Variants in NOL4L observed in about 807,000 individuals in gnomAD.
NOL4L encodes nucleolar protein 4-like.
A neutral mutation model predicts 64.5 loss-of-function variants in NOL4L; 7 were observed. The ratio of observed to expected loss-of-function variants is 0.11; its 90% CI spans 0.06 to 0.20. The LOEUF (loss-of-function observed/expected upper bound fraction) is 0.20. NOL4L is among the 10% of genes least tolerant of loss of function. NOL4L has a pLI of 1.00. For missense variants in NOL4L, 680 were observed against 967.1 expected (o/e 0.70, Z 3.94); for synonymous variants, 413 against 401.0 (o/e 1.03, Z -0.36).
At chr20:32,507,495 C>G (rs1464350213) in intron 4 of NOL4L, among the ~76,000 whole-genome samples, 1 of 152,172 alleles carries the variant, frequency 6.6e-6, no homozygotes, top group Non-Finnish European at 1.5e-5. Flanking sequence ...GACTCATTTT[C>G]TAGCATATTA....
chr20:32,475,330 G>A (rs1056874772), intron 4 of NOL4L: 10 of 985,342 alleles, frequency 1.0e-5, no homozygotes, highest in African/African-American at 8.7e-5. Flanking sequence ...AGCTTCCAGG[G>A]CTGAAAGGGC....
rs779165706 is a variant in NOL4L, at chr20:32,447,685, G to T, written c.1954C>A (p.Arg652=). 2 of 1,612,486 alleles carry T rather than the reference G, an allele frequency of 1.2e-6. No individual in the cohort carries two copies. The highest frequency in any genetic ancestry group is 1.1e-5 in the South Asian group (1 of 90,988). Reference sequence around the variant, plus strand: ...TCCCGGTAGCCCGCGATGAGCTGCCGCACGGCGCTGATCTCCGTGGGGCTG... The same window carrying T: ...TCCCGGTAGCCCGCGATGAGCTGCCTCACGGCGCTGATCTCCGTGGGGCTG... The part of the protein sequence containing the change: ...QLSPTEISAV[R]QLIAGYRESA... The change falls in exon 11 of 11, where the codon CGG becomes AGG. Residue 652 remains arginine (R), a synonymous_variant. Coordinates refer to ENST00000621426, the MANE Select transcript of NOL4L (RefSeq NM_001256798.2).
At chr20:32,469,440 C>T (rs1282840010) in intron 5 of NOL4L, among the ~76,000 whole-genome samples, 3 of 150,252 alleles carry the variant, frequency 2.0e-5, no homozygotes, top group African/African-American at 7.4e-5. Flanking sequence ...GGTGTGGTCT[C>T]GGCTTACTGT....
chr20:32,563,428 G>A (rs1257067231), intron 1 of NOL4L, among the ~76,000 whole-genome samples: 1 of 151,906 alleles, frequency 6.6e-6, no homozygotes, highest in Non-Finnish European at 1.5e-5. Context: ...TTTCATAGAG[G>A]ACCGAAAGGA....
intron 1 of NOL4L, among the ~76,000 whole-genome samples, chr20:32,564,781 G>A (rs1199342730): frequency 6.6e-6 from 1 of 152,264 alleles, no homozygotes; most frequent in Non-Finnish European, 1.5e-5. Flanking sequence ...CCTTCGAGGG[G>A]TCCAGCAGCC....
Position 32,453,485 on chromosome 20 carries a change from C to T in NOL4L, c.1316G>A (p.Arg439His), listed in dbSNP as rs2013140364. 6.2e-7 allele frequency: 1 copy of T among 1,614,074 alleles called. No homozygotes were observed. The highest frequency in any genetic ancestry group is 8.5e-7 in the Non-Finnish European group (1 of 1,179,964). Residue 439 changes from arginine to histidine, a missense_variant, in exon 8 of 11, where the codon CGT (arginine) becomes CAT (histidine). By Grantham distance (29) the Arg-to-His change is conservative. This residue lies in a region of NOL4L where 70 missense variants were observed against 166.1 expected (regional missense o/e 0.42). Transcript: ENST00000621426. The surrounding 1 kb of genome is among the most constrained non-coding windows in gnomAD (Gnocchi z 5.6). ...ERLKAFNMFV[R>H]LFVDENLDRM... ...GTCCAGGTTCTCGTCCACAAAGAGA[C>T]GCACAAACATCTGTGGAGACACGGG...
chr20:32,584,679 C>A lies in NOL4L; in HGVS notation c.212G>T (p.Gly71Val), dbSNP rs1980779230. ...CCAGAACTGGAACTTGCCTTTCTCG[C>A]CGGCTGCGGGGCCGCTGCCCGCGCC... ...GTGAGSGPAA[G>V]EKGKFQFWVR... Residue 71 changes from glycine to valine, a missense_variant, in exon 1 of 11, where the codon GGC (glycine) becomes GTC (valine). Around this residue, in one of 4 missense-constraint regions of NOL4L, gnomAD observed 181 missense variants for 335.2 expected, o/e 0.54. Transcript: ENST00000621426. 1 of 1,547,980 alleles carries A rather than the reference C, an allele frequency of 6.5e-7. No individual in the cohort carries two copies. Among genetic ancestry groups the A allele is most frequent in the Non-Finnish European group, 8.7e-7 (1 of 1,145,782 alleles).
At chr20:32,581,882 G>A (rs1450638889) in intron 1 of NOL4L, 1 of 148,376 alleles carries the variant, frequency 6.7e-6, no homozygotes, top group Non-Finnish European at 1.5e-5. Context: ...CCAGGGGTGA[G>A]GGGGTGTGTG....
chr20:32,508,460 G>C (rs753220480), intron 4 of NOL4L, among the ~76,000 whole-genome samples: 9 of 152,252 alleles, frequency 5.9e-5, no homozygotes, highest in Admixed American at 1.3e-4. Flanking sequence ...CTGCCTAAGA[G>C]GCTGAGGCCT....
chr20:32,456,683 T>C (rs960159643), intron 5 of NOL4L, among the ~76,000 whole-genome samples: 4 of 152,204 alleles, frequency 2.6e-5, no homozygotes, highest in Non-Finnish European at 4.4e-5. Flanking sequence ...ATGTCCAGGC[T>C]TAAGGGAGAC....
At chr20:32,474,309 C>T (rs1171017470) in intron 5 of NOL4L, among the ~76,000 whole-genome samples, 1 of 152,272 alleles carries the variant, frequency 6.6e-6, no homozygotes, top group East Asian at 1.9e-4. Flanking sequence ...CTGAAACCCA[C>T]ATTGCAGAAG....
intron 1 of NOL4L, among the ~76,000 whole-genome samples, chr20:32,574,816 G>A (rs927006778): frequency 1.6e-4 from 25 of 151,808 alleles, no homozygotes; most frequent in Non-Finnish European, 3.1e-4. Flanking sequence ...GCCTCCCACC[G>A]CCACAGGCTG....
intron 4 of NOL4L, among the ~76,000 whole-genome samples, chr20:32,489,006 A>T (rs1413770358): frequency 7.6e-6 from 1 of 131,500 alleles, no homozygotes; most frequent in Non-Finnish European, 1.6e-5. Context: ...TTTGGAAATA[A>T]GGAAAATTAA....
At chr20:32,577,337 C>T (rs1488199484) in intron 1 of NOL4L, among the ~76,000 whole-genome samples, 1 of 152,218 alleles carries the variant, frequency 6.6e-6, no homozygotes, top group Non-Finnish European at 1.5e-5. Context: ...CAGGTGCCTG[C>T]CAGGCCTTGG....
rs188308709 is a variant in NOL4L, at chr20:32,516,024, A to C, written c.590-4568T>G. On this transcript the variant is annotated intron_variant, in intron 3 of 10. Transcript: ENST00000621426. ...CAGCTGGGCGCCAATGGCACTCATCAACCAATGCAAACCTCAACCATGGGA... is the reference window on the plus strand; with the variant it reads ...CAGCTGGGCGCCAATGGCACTCATCCACCAATGCAAACCTCAACCATGGGA... 3.3e-3 allele frequency among the ~76,000 whole-genome samples: 504 copies of C among 152,326 alleles called. 2 individuals are homozygous for C. Among genetic ancestry groups the C allele is most frequent in the Non-Finnish European group, 5.2e-3 (352 of 68,028 alleles).
chr20:32,557,694 A>G (rs1033805148), intron 1 of NOL4L, among the ~76,000 whole-genome samples: 1 of 152,238 alleles, frequency 6.6e-6, no homozygotes, highest in Non-Finnish European at 1.5e-5. Context: ...AACCAGTCAC[A>G]GGGGAACCTT....
At chr20:32,452,142 T>C (rs900688209) in intron 10 of NOL4L, 94 bp downstream of exon 10, 2 of 1,176,672 alleles carry the variant, frequency 1.7e-6, no homozygotes, top group South Asian at 2.2e-5. Context: ...CACTGGCCTC[T>C]GCTTCCCTCT....
At chr20:32,582,398 A>G (rs1424686793) in intron 1 of NOL4L, among the ~76,000 whole-genome samples, 1 of 152,206 alleles carries the variant, frequency 6.6e-6, no homozygotes, top group Non-Finnish European at 1.5e-5. Context: ...ATCTGAAGCC[A>G]GCAGCTGGGC....
chr20:32,471,018 T>G (rs2145475127), intron 5 of NOL4L, among the ~76,000 whole-genome samples: 1 of 152,308 alleles, frequency 6.6e-6, no homozygotes, highest in South Asian at 2.1e-4. Context: ...CCTGGGAGCA[T>G]CCCAGGACTT....
Sources: gnomAD v4.1 joint callset for allele counts (sites outside exome capture counted in the v4.1 genomes callset) on GRCh38, gnomAD v4.1.1 for gene constraint, gnomAD v4.1.1 regional missense constraint, Gnocchi (gnomAD v3.1) non-coding constraint, MANE v1.5 for transcripts, NCBI Gene and HGNC (gene_info 2026-07-23, HGNC 2026-07-21) for gene names.